ARHGAP6: variants seen among roughly 807,000 people sequenced by gnomAD.
The protein encoded by ARHGAP6 is Rho GTPase activating protein 6.
A neutral mutation model predicts 55.7 loss-of-function variants in ARHGAP6; 16 were observed. The ratio of observed to expected loss-of-function variants is 0.29; its 90% CI spans 0.19 to 0.44. The LOEUF is 0.44. Among genes scored for constraint, ARHGAP6 ranks in the 20% least tolerant of loss-of-function variants. The pLI, the probability that ARHGAP6 is intolerant of heterozygous loss-of-function variation, is 1.00. For synonymous variants in ARHGAP6, 382 were observed against 360.9 expected (o/e 1.06, Z -0.66); for missense variants, 698 against 808.9 (o/e 0.86, Z 1.66).
intron 1 of ARHGAP6, among the ~76,000 whole-genome samples, chrX:11,634,276 T>C (rs771339520): frequency 1.7e-3 from 190 of 111,341 alleles, no homozygotes; most frequent in African/African-American, 5.6e-3. Context: ...TATGAAGACA[T>C]AATAAAATAA....
intron 1 of ARHGAP6, among the ~76,000 whole-genome samples, chrX:11,550,209 C>T (rs1449120150): frequency 8.9e-6 from 1 of 111,863 alleles, no homozygotes; most frequent in Non-Finnish European, 1.9e-5. Flanking sequence ...CTACACTATA[C>T]TTTAGAGACA....
chrX:11,461,478 T>C (rs1160531220), intron 1 of ARHGAP6, among the ~76,000 whole-genome samples: 1 of 111,782 alleles, frequency 8.9e-6, no homozygotes, highest in African/African-American at 3.3e-5. Flanking sequence ...GGGGGAGCTA[T>C]CTGTGTTTGT....
At chrX:11,338,191 A>G (rs1242957218) in intron 1 of ARHGAP6, among the ~76,000 whole-genome samples, 1 of 111,656 alleles carries the variant, frequency 9.0e-6, no homozygotes, top group Admixed American at 9.5e-5. Flanking sequence ...GATGGGGACA[A>G]ACAAACCATG....
At chrX:11,429,061 C>A (rs1450376399) in intron 1 of ARHGAP6, among the ~76,000 whole-genome samples, 1 of 111,897 alleles carries the variant, frequency 8.9e-6, no homozygotes, top group Non-Finnish European at 1.9e-5. Flanking sequence ...AAAAGCGATC[C>A]AAATGTACAC....
chrX:11,464,339 C>T (rs1365526769), intron 1 of ARHGAP6, among the ~76,000 whole-genome samples: 1 of 112,085 alleles, frequency 8.9e-6, no homozygotes, highest in African/African-American at 3.2e-5. Flanking sequence ...GCATTTTAAG[C>T]TCATATGATT....
intron 1 of ARHGAP6, among the ~76,000 whole-genome samples, chrX:11,615,636 T>C (rs936693132): frequency 1.8e-5 from 2 of 112,081 alleles, no homozygotes; most frequent in African/African-American, 6.5e-5. Context: ...TTGTCTACAC[T>C]GTAGTCCAAT....
chrX:11,639,565 G>A (rs554864088), intron 1 of ARHGAP6, among the ~76,000 whole-genome samples: 1 of 111,214 alleles, frequency 9.0e-6, no homozygotes, highest in Middle Eastern at 4.6e-3. Context: ...TGGTTGCAGA[G>A]TATTCCATGG....
At chrX:11,537,155 T>C (rs1192849101) in intron 1 of ARHGAP6, among the ~76,000 whole-genome samples, 1 of 112,586 alleles carries the variant, frequency 8.9e-6, no homozygotes, top group Non-Finnish European at 1.9e-5. Flanking sequence ...GGAATGGCTA[T>C]GTGAATAAAT....
intron 1 of ARHGAP6, among the ~76,000 whole-genome samples, chrX:11,385,479 T>G (rs1172969982): frequency 8.9e-6 from 1 of 111,831 alleles, no homozygotes; most frequent in African/African-American, 3.2e-5. Context: ...TTAATCAAAC[T>G]TTGGTATTAA....
At chrX:11,468,758 T>C (rs2050320595) in intron 1 of ARHGAP6, among the ~76,000 whole-genome samples, 1 of 112,313 alleles carries the variant, frequency 8.9e-6, no homozygotes, top group African/African-American at 3.2e-5. Context: ...TAAGTGGCAA[T>C]TTCTAAATGA....
chrX:11,614,570 G>A (rs1452530667), intron 1 of ARHGAP6, among the ~76,000 whole-genome samples: 1 of 111,660 alleles, frequency 9.0e-6, no homozygotes, highest in African/African-American at 3.3e-5. Flanking sequence ...TTTCCACCAG[G>A]CCCCTCCTCT....
chrX:11,371,399 C>T (rs908035453), intron 1 of ARHGAP6, among the ~76,000 whole-genome samples: 9 of 111,986 alleles, frequency 8.0e-5, no homozygotes, highest in African/African-American at 2.9e-4. Flanking sequence ...TGACTGAGAT[C>T]TTATGGTCAG....
chrX:11,519,620 T>G (rs1468735884), intron 1 of ARHGAP6, among the ~76,000 whole-genome samples: 3 of 110,322 alleles, frequency 2.7e-5, no homozygotes, highest in Non-Finnish European at 5.7e-5. Context: ...AACAGCATGG[T>G]ACTGGTACCA....
At chrX:11,641,315 A>G (rs1391621069) in intron 1 of ARHGAP6, among the ~76,000 whole-genome samples, 1 of 111,735 alleles carries the variant, frequency 8.9e-6, no homozygotes, top group East Asian at 2.8e-4. Context: ...CTTCCCTTGC[A>G]TAGAAGCAGA....
At chrX:11,209,676 A>G (rs1489543465) in intron 2 of ARHGAP6, among the ~76,000 whole-genome samples, 4 of 112,372 alleles carry the variant, frequency 3.6e-5, no homozygotes, top group African/African-American at 1.3e-4. Flanking sequence ...AGCAAGTACA[A>G]AAGAAAAATT....
chrX:11,439,579 T>A (rs2050020920), intron 1 of ARHGAP6, among the ~76,000 whole-genome samples: 1 of 111,991 alleles, frequency 8.9e-6, no homozygotes, highest in Non-Finnish European at 1.9e-5. Context: ...CCTCCTGGAG[T>A]TTTATAAGCC....
intron 1 of ARHGAP6, among the ~76,000 whole-genome samples, chrX:11,548,619 T>G: frequency 1.2e-5 from 1 of 80,596 alleles, no homozygotes; most frequent in African/African-American, 5.4e-5. Context: ...AAAGTATTTC[T>G]TTTTTTTTTT....
intron 12 of ARHGAP6, among the ~76,000 whole-genome samples, chrX:11,140,247 T>C (rs1440639923): frequency 9.3e-6 from 1 of 107,032 alleles, no homozygotes; most frequent in African/African-American, 3.4e-5. Context: ...TGAAACCCCG[T>C]CTCCACTAAA....
intron 1 of ARHGAP6, among the ~76,000 whole-genome samples, chrX:11,317,931 G>A (rs1298389183): frequency 8.9e-6 from 1 of 112,035 alleles, no homozygotes; most frequent in Non-Finnish European, 1.9e-5. Flanking sequence ...GATCAAGCCC[G>A]GTGCCTCCAA....
Sources: allele counts gnomAD v4.1 joint callset (sites outside exome capture counted in the v4.1 genomes callset), GRCh38; gene constraint gnomAD v4.1.1; transcripts MANE v1.5; gene names NCBI Gene and HGNC (gene_info 2026-07-23, HGNC 2026-07-21).